Variants in SEMA3A observed in about 807,000 individuals in gnomAD.
SEMA3A encodes the protein semaphorin 3A.
Under a neutral mutation model 97.9 loss-of-function variants are expected in SEMA3A, and 29 were observed. The ratio of observed to expected loss-of-function variants is 0.30; its 90% CI spans 0.22 to 0.40. The LOEUF is 0.40. Ranked by LOEUF, SEMA3A falls within the 10% of genes least tolerant of loss-of-function variation. SEMA3A has a pLI of 1.00. For synonymous variants in SEMA3A, 321 were observed against 323.7 expected (o/e 0.99, Z 0.09); for missense variants, 763 against 951.3 (o/e 0.80, Z 2.60).
At chr7:84,045,895 C>T (rs1265993133) in intron 6 of SEMA3A, among the ~76,000 whole-genome samples, 1 of 151,496 alleles carries the variant, frequency 6.6e-6, no homozygotes, top group Non-Finnish European at 1.5e-5. Context: ...GTTATTCACA[C>T]TGCAATAACA....
intron 15 of SEMA3A, among the ~76,000 whole-genome samples, chr7:83,971,785 A>C (rs145682454): frequency 6.6e-6 from 1 of 152,300 alleles, no homozygotes; most frequent in African/African-American, 2.4e-5. Flanking sequence ...ACCTTAAATA[A>C]AATTTAAACT....
intron 1 of SEMA3A, among the ~76,000 whole-genome samples, chr7:84,191,765 C>T (rs1465875308): frequency 1.3e-5 from 2 of 151,756 alleles, no homozygotes; most frequent in African/African-American, 4.8e-5. Context: ...AGAGTTCTCA[C>T]ATTTTCTTCC....
chr7:84,312,943 CGTACACACAT>C (rs1382640732), intron 2 of SEMA3A, among the ~76,000 whole-genome samples: 1,501 of 108,430 alleles, frequency 0.014, 51 homozygotes, highest in African/African-American at 0.05. Flanking sequence ...CACACACACA[CGTACACACAT>C]ATATGTTACA....
rs952245726 is a variant in SEMA3A at position 83,959,463 on chromosome 7, A to G, written c.*1908T>C. The G allele has an allele frequency of 3.9e-5, 6 of 152,094 alleles. No individual in the cohort carries two copies. Among genetic ancestry groups the G allele is most frequent in the African/African-American group, 1.4e-4 (6 of 41,458 alleles). 9.4% of individuals were successfully genotyped at this position (152,094 alleles called of 1,614,324 possible). ...ATTTGGCTTCCATGTGAGGATATACAGTACTTCCAAAAGCAACACCATATT... is the reference window on the plus strand; with the variant it reads ...ATTTGGCTTCCATGTGAGGATATACGGTACTTCCAAAAGCAACACCATATT... On this transcript the variant is annotated 3_prime_UTR_variant, in exon 17 of 17. Coordinates refer to ENST00000265362, the MANE Select transcript of SEMA3A (RefSeq NM_006080.3).
intron 1 of SEMA3A, among the ~76,000 whole-genome samples, chr7:84,425,731 G>T (rs116301633): frequency 0.026 from 3,921 of 148,994 alleles, 163 homozygotes; most frequent in African/African-American, 0.09. Context: ...CCAGCACTTT[G>T]GGAGTCTGAG....
chr7:84,374,013 T>C (rs1397593165), intron 1 of SEMA3A, among the ~76,000 whole-genome samples: 1 of 151,450 alleles, frequency 6.6e-6, no homozygotes, highest in African/African-American at 2.4e-5. Flanking sequence ...GCTAAAAGAG[T>C]CATTGAAAAA....
At chr7:84,414,389 A>T (rs1293147782) in intron 1 of SEMA3A, among the ~76,000 whole-genome samples, 1 of 146,236 alleles carries the variant, frequency 6.8e-6, no homozygotes, top group African/African-American at 2.5e-5. Flanking sequence ...ATAATTGGCT[A>T]AAAGTAAAAA....
chr7:84,402,409 G>A (rs957333286), intron 1 of SEMA3A, among the ~76,000 whole-genome samples: 9 of 152,102 alleles, frequency 5.9e-5, no homozygotes, highest in Non-Finnish European at 1.3e-4. Flanking sequence ...ATATAAATTA[G>A]TACAGCCATT....
intron 1 of SEMA3A, among the ~76,000 whole-genome samples, chr7:84,188,526 T>C (rs781334344): frequency 8.6e-5 from 13 of 151,944 alleles, no homozygotes; most frequent in Non-Finnish European, 1.5e-4. Flanking sequence ...CCAAATGCCA[T>C]TTTCTTAACA....
At chr7:84,480,162 C>T (rs974777199) in intron 1 of SEMA3A, among the ~76,000 whole-genome samples, 1 of 152,158 alleles carries the variant, frequency 6.6e-6, no homozygotes, top group Non-Finnish European at 1.5e-5. Flanking sequence ...GCCTCACTTT[C>T]GCTCAATTAG....
At chr7:84,449,893 G>A (rs541151484) in intron 1 of SEMA3A, among the ~76,000 whole-genome samples, 10 of 152,180 alleles carry the variant, frequency 6.6e-5, no homozygotes, top group Non-Finnish European at 1.3e-4. Flanking sequence ...GTCCATCCAC[G>A]TTGTTGAAAT....
chr7:84,115,440 T>G (rs1421278388), intron 3 of SEMA3A, among the ~76,000 whole-genome samples: 2 of 84,414 alleles, frequency 2.4e-5, no homozygotes, highest in African/African-American at 7.1e-5. Context: ...TTCAAACATG[T>G]TCAAAATGAT....
chr7:84,360,925 C>T (rs1052248011), intron 2 of SEMA3A, among the ~76,000 whole-genome samples: 1 of 151,864 alleles, frequency 6.6e-6, no homozygotes, highest in Non-Finnish European at 1.5e-5. Context: ...AAACAACACT[C>T]TACAAATCTA....
chr7:83,966,255 A>G (rs552047674), intron 15 of SEMA3A, among the ~76,000 whole-genome samples: 60 of 152,308 alleles, frequency 3.9e-4, no homozygotes, highest in African/African-American at 1.3e-3. Flanking sequence ...AATCTAGACT[A>G]TAGACTATAG....
chr7:84,292,567 T>C (rs981261147), intron 3 of SEMA3A, among the ~76,000 whole-genome samples: 4 of 151,962 alleles, frequency 2.6e-5, no homozygotes, highest in Non-Finnish European at 5.9e-5. Context: ...GAAGCAATCC[T>C]CCATACTTTA....
intron 15 of SEMA3A, among the ~76,000 whole-genome samples, chr7:83,975,398 T>A (rs1789102353): frequency 6.6e-6 from 1 of 152,132 alleles, no homozygotes; most frequent in Admixed American, 6.6e-5. Context: ...CATAATGATG[T>A]TTCCTAAGAG....
At chr7:84,192,403 A>C (rs2116272153) in intron 1 of SEMA3A, among the ~76,000 whole-genome samples, 1 of 152,030 alleles carries the variant, frequency 6.6e-6, no homozygotes, top group Middle Eastern at 3.4e-3. Flanking sequence ...TTCACAGTTT[A>C]TTTTACCAAA....
At chr7:84,316,802 G>T (rs1801515204) in intron 2 of SEMA3A, among the ~76,000 whole-genome samples, 1 of 152,016 alleles carries the variant, frequency 6.6e-6, no homozygotes, top group Non-Finnish European at 1.5e-5. Flanking sequence ...AGGACAAGGA[G>T]AGGTTGCGGG....
intron 1 of SEMA3A, among the ~76,000 whole-genome samples, chr7:84,376,119 C>T (rs1183235667): frequency 1.3e-5 from 2 of 152,126 alleles, no homozygotes; most frequent in African/African-American, 4.8e-5. Context: ...GGGCTGATTC[C>T]ATATCTAGGC....
Sources: allele counts gnomAD v4.1 joint callset (sites outside exome capture counted in the v4.1 genomes callset), GRCh38; gene constraint gnomAD v4.1.1; transcripts MANE v1.5; gene names NCBI Gene and HGNC (gene_info 2026-07-23, HGNC 2026-07-21).